SLC68A1: variants seen among roughly 807,000 people sequenced by gnomAD.
The protein encoded by SLC68A1 is major facilitator superfamily domain containing 13A.
chr10:102,467,228 G>A, the SLC68A1 span, among the ~76,000 whole-genome samples: 1 of 152,262 alleles, frequency 6.6e-6, no homozygotes, highest in South Asian at 2.1e-4. Context: ...TAGAGACGAG[G>A]TTGTGCCATG....
chr10:102,471,566 C>G, the SLC68A1 span, among the ~76,000 whole-genome samples: 12 of 151,990 alleles, frequency 7.9e-5, no homozygotes, highest in Non-Finnish European at 1.6e-4. Context: ...TCGAGACCAG[C>G]CTGGCTAACA....
At chr10:102,469,915 G>A in the SLC68A1 span, 1 of 1,537,442 alleles carries the variant, frequency 6.5e-7, no homozygotes, top group Non-Finnish European at 8.8e-7. Context: ...TTCAGGGGTG[G>A]TGAGCAGGCT....
chr10:102,471,021 C>A, the SLC68A1 span: 1 of 1,613,504 alleles, frequency 6.2e-7, no homozygotes, highest in Non-Finnish European at 8.5e-7. Context: ...GCTGTCAGCT[C>A]TGGGCTGGGC....
At chr10:102,476,753 A>G in the SLC68A1 span, 1 of 986,122 alleles carries the variant, frequency 1.0e-6, no homozygotes, top group South Asian at 4.7e-5. Context: ...CAGGCCTGCC[A>G]TGGGGCGTGG....
At chr10:102,473,011 A>G in the SLC68A1 span, 1 of 1,321,712 alleles carries the variant, frequency 7.6e-7, no homozygotes, top group African/African-American at 1.4e-5. Context: ...TATTTTTAGT[A>G]GAGATGGGGT....
chr10:102,476,900 A>G, the SLC68A1 span: 1 of 985,542 alleles, frequency 1.0e-6, no homozygotes, highest in Non-Finnish European at 1.2e-6. Context: ...CCACCCTTCT[A>G]GTGGTTTCTC....
chr10:102,465,640 G>T, the SLC68A1 span, among the ~76,000 whole-genome samples: 1 of 152,138 alleles, frequency 6.6e-6, no homozygotes, highest in South Asian at 2.1e-4. Flanking sequence ...GTGCCAGGGA[G>T]GTGGGTGGAG....
the SLC68A1 span, among the ~76,000 whole-genome samples, chr10:102,471,625 C>T: frequency 2.0e-5 from 3 of 152,052 alleles, no homozygotes; most frequent in Admixed American, 2.0e-4. Flanking sequence ...TGGTGTAATT[C>T]CAGCATATCT....
chr10:102,475,665 AC>A, the SLC68A1 span: 1 of 1,528,188 alleles, frequency 6.5e-7, no homozygotes. Context: ...CTTGGAGGGC[AC>A]CAAGGCTTGG....
At chr10:102,476,759 C>T in the SLC68A1 span, 1,683 of 986,050 alleles carry the variant, frequency 1.7e-3, 5 homozygotes, top group Non-Finnish European at 1.8e-3. Context: ...TGCCATGGGG[C>T]GTGGGAGCCC....
the SLC68A1 span, among the ~76,000 whole-genome samples, chr10:102,465,238 G>A: frequency 2.6e-5 from 4 of 151,818 alleles, no homozygotes; most frequent in East Asian, 1.9e-4. Context: ...CAGCCTGGGC[G>A]ACAGAGCAAG....
the SLC68A1 span, among the ~76,000 whole-genome samples, chr10:102,473,253 G>T: frequency 1.3e-5 from 2 of 152,122 alleles, no homozygotes; most frequent in African/African-American, 4.8e-5. Context: ...GGCACCCTGA[G>T]GGGGTGCAGT....
At chr10:102,472,186 G>A in the SLC68A1 span, 9 of 347,750 alleles carry the variant, frequency 2.6e-5, no homozygotes, top group Non-Finnish European at 4.6e-5. Context: ...GCTAAGTGCT[G>A]TACCTAAAAC....
the SLC68A1 span, chr10:102,468,475 A>G: frequency 6.5e-6 from 1 of 153,062 alleles, no homozygotes; most frequent in African/African-American, 2.4e-5. Context: ...GATCGAGACC[A>G]TCCTGGTGAA....
chr10:102,470,730 G>C, the SLC68A1 span: 1 of 1,613,598 alleles, frequency 6.2e-7, no homozygotes. Flanking sequence ...GGCTGGCATG[G>C]GCCGCTGCTG....
At chr10:102,469,853 C>T in the SLC68A1 span, 1 of 1,418,774 alleles carries the variant, frequency 7.0e-7, no homozygotes, top group Non-Finnish European at 9.2e-7. Flanking sequence ...TGGGTTTTAG[C>T]AGAGGAACTG....
At chr10:102,461,681 T>C in the SLC68A1 span, among the ~76,000 whole-genome samples, 2 of 151,770 alleles carry the variant, frequency 1.3e-5, no homozygotes, top group Non-Finnish European at 2.9e-5. Context: ...GCAGAAAGGC[T>C]CTCCGGGGGT....
At chr10:102,474,126 G>A in the SLC68A1 span, 167 of 1,145,344 alleles carry the variant, frequency 1.5e-4, no homozygotes, top group African/African-American at 1.5e-3. Flanking sequence ...GGCAACTGGC[G>A]TCCCCTCAAC....
chr10:102,470,356 G>T, the SLC68A1 span, among the ~76,000 whole-genome samples: 3 of 152,146 alleles, frequency 2.0e-5, no homozygotes, highest in Non-Finnish European at 4.4e-5. Flanking sequence ...GCTTCTGGAA[G>T]ATTCCTTTGC....
Sources: allele counts gnomAD v4.1 joint callset (sites outside exome capture counted in the v4.1 genomes callset), GRCh38; gene constraint gnomAD v4.1.1; transcripts MANE v1.5; gene names NCBI Gene and HGNC (gene_info 2026-07-23, HGNC 2026-07-21).